The following PPARGC1A variants were observed in gnomAD, a reference collection of about 807,000 sequenced individuals.
PPARGC1A encodes the protein peroxisome proliferator-activated receptor gamma coactivator 1-alpha.
A neutral mutation model predicts 88.7 loss-of-function variants in PPARGC1A; 25 were observed. The ratio of observed to expected loss-of-function variants is 0.28; its 90% confidence interval spans 0.21 to 0.39. The LOEUF (loss-of-function observed/expected upper bound fraction) is 0.39, where lower values mean the gene tolerates loss of function less well. Among genes scored for constraint, PPARGC1A ranks in the 10% least tolerant of loss-of-function variants. The probability of loss-of-function intolerance (pLI) is 1.00; values close to 1 mark genes in which losing one functional copy is unlikely to be tolerated. For synonymous variants in PPARGC1A, 363 were observed against 355.6 expected, an observed-to-expected ratio of 1.02 and a Z score of -0.24; for missense variants, 880 against 968.7, an observed-to-expected ratio of 0.91 and a Z score of 1.22.
At chr4:24,118,678 A>C in the PPARGC1A span, among the ~76,000 whole-genome samples, 1 of 152,192 alleles carries the variant, frequency 6.6e-6, no homozygotes, top group African/African-American at 2.4e-5. Flanking sequence ...ATATATTTTT[A>C]AAATAAGCTC....
chr4:23,958,433 C>A, the PPARGC1A span, among the ~76,000 whole-genome samples: 3 of 152,006 alleles, frequency 2.0e-5, no homozygotes, highest in Admixed American at 2.0e-4. Flanking sequence ...TAGATTTGAG[C>A]CTGGGGTCCT....
chr4:24,093,658 C>G, the PPARGC1A span, among the ~76,000 whole-genome samples: 1 of 152,162 alleles, frequency 6.6e-6, no homozygotes, highest in African/African-American at 2.4e-5. Context: ...CAACAGCATC[C>G]CATAAGGACA....
At chr4:23,797,526 G>T (rs1277084978) in intron 12 of PPARGC1A, among the ~76,000 whole-genome samples, 1 of 152,114 alleles carries the variant, frequency 6.6e-6, no homozygotes, top group Non-Finnish European at 1.5e-5. Flanking sequence ...AACTCTTTGA[G>T]AATATTTTAA....
chr4:24,230,447 G>T, the PPARGC1A span, among the ~76,000 whole-genome samples: 1 of 151,920 alleles, frequency 6.6e-6, no homozygotes, highest in Non-Finnish European at 1.5e-5. Flanking sequence ...GGTAAGGGAA[G>T]AGAGCACAAG....
chr4:24,353,823 A>G, the PPARGC1A span, among the ~76,000 whole-genome samples: 1 of 152,192 alleles, frequency 6.6e-6, no homozygotes, highest in Non-Finnish European at 1.5e-5. Context: ...TTTTGATAGG[A>G]AACGACTGAG....
the PPARGC1A span, among the ~76,000 whole-genome samples, chr4:24,147,571 G>A: frequency 6.6e-6 from 1 of 152,000 alleles, no homozygotes; most frequent in African/African-American, 2.4e-5. Flanking sequence ...TTGGCCAACT[G>A]AACTGAAAAT....
chr4:23,815,340 A>G (rs1224738064), intron 7 of PPARGC1A, among the ~76,000 whole-genome samples: 3 of 152,176 alleles, frequency 2.0e-5, no homozygotes, highest in Admixed American at 6.5e-5. Flanking sequence ...AAGCATAACT[A>G]ATACATTCTG....
the PPARGC1A span, among the ~76,000 whole-genome samples, chr4:24,175,738 A>G: frequency 4.0e-5 from 6 of 151,516 alleles, no homozygotes; most frequent in Admixed American, 3.9e-4. Context: ...ATTTTTATAC[A>G]TAGCTAATAG....
chr4:24,152,399 C>A, the PPARGC1A span, among the ~76,000 whole-genome samples: 1 of 152,242 alleles, frequency 6.6e-6, no homozygotes, highest in East Asian at 1.9e-4. Context: ...AAGATGTAAG[C>A]CAACATCCAT....
the PPARGC1A span, among the ~76,000 whole-genome samples, chr4:24,454,434 G>A: frequency 4.3e-4 from 65 of 152,120 alleles, no homozygotes; most frequent in East Asian, 0.01. Flanking sequence ...AAAGCAATCC[G>A]GATAAGAAAT....
chr4:24,402,918 G>T, the PPARGC1A span, among the ~76,000 whole-genome samples: 1 of 152,350 alleles, frequency 6.6e-6, no homozygotes, highest in South Asian at 2.1e-4. Context: ...TATCCCCACA[G>T]CCTAGTATGA....
the PPARGC1A span, among the ~76,000 whole-genome samples, chr4:24,027,229 G>GTGTGTGTGTGTGTGTGTGTC: frequency 1.3e-4 from 19 of 143,364 alleles, no homozygotes; most frequent in African/African-American, 4.4e-4. Context: ...CTGTGTGTCT[G>GTGTGTGTGTGTGTGTGTGTC]TGTGTGTCTG....
the PPARGC1A span, among the ~76,000 whole-genome samples, chr4:24,102,134 G>T: frequency 1.3e-5 from 2 of 152,206 alleles, no homozygotes; most frequent in African/African-American, 4.8e-5. Context: ...AGTGTCGTTG[G>T]AGAAGAGCAG....
the PPARGC1A span, among the ~76,000 whole-genome samples, chr4:24,169,945 A>C: frequency 6.6e-6 from 1 of 152,348 alleles, no homozygotes; most frequent in South Asian, 2.1e-4. Flanking sequence ...CAATTTAACT[A>C]TGATTTCTAT....
chr4:23,879,362 T>C (rs17637318), intron 2 of PPARGC1A, among the ~76,000 whole-genome samples: 33,459 of 152,070 alleles, frequency 0.22, 4,447 homozygotes, highest in Non-Finnish European at 0.3. Context: ...AATTTGTGGA[T>C]TGGGTTAAAT....
At chr4:24,438,191 G>A in the PPARGC1A span, among the ~76,000 whole-genome samples, 8 of 152,280 alleles carry the variant, frequency 5.3e-5, no homozygotes, top group Middle Eastern at 3.4e-3. Flanking sequence ...GATTTGATGT[G>A]GAGGAACAGG....
chr4:24,233,852 A>G, the PPARGC1A span, among the ~76,000 whole-genome samples: 5 of 152,202 alleles, frequency 3.3e-5, no homozygotes, highest in East Asian at 9.6e-4. Context: ...AAAATCAAAA[A>G]CAGAATTTAA....
the PPARGC1A span, among the ~76,000 whole-genome samples, chr4:24,329,698 A>G: frequency 6.6e-6 from 1 of 152,144 alleles, no homozygotes; most frequent in Non-Finnish European, 1.5e-5. Context: ...AATAATTACT[A>G]TTGCTTTAAA....
chr4:23,913,831 G>A, the PPARGC1A span, among the ~76,000 whole-genome samples: 1 of 152,266 alleles, frequency 6.6e-6, no homozygotes, highest in East Asian at 1.9e-4. Context: ...CACAGAGGAG[G>A]CATGTGCTCA....
Sources: gnomAD v4.1 joint callset for allele counts (sites outside exome capture counted in the v4.1 genomes callset) on GRCh38, gnomAD v4.1.1 for gene constraint, MANE v1.5 for transcripts, NCBI Gene and HGNC (gene_info 2026-07-23, HGNC 2026-07-21) for gene names.